HCN1: variants seen among roughly 807,000 people sequenced by gnomAD.
HCN1 encodes the protein potassium/sodium hyperpolarization-activated cyclic nucleotide-gated channel 1.
In HCN1, 13 loss-of-function variants were observed where a neutral mutation model predicts 78.9. The observed-to-expected ratio is 0.16, with a 90% confidence interval of 0.11 to 0.26. The LOEUF (loss-of-function observed/expected upper bound fraction) is 0.26, where lower values mean the gene tolerates loss of function less well. HCN1 is among the 10% of genes least tolerant of loss of function. The pLI, the probability that HCN1 is intolerant of heterozygous loss-of-function variation, is 1.00. For missense variants in HCN1, 810 were observed against 1,154.3 expected (o/e 0.70, Z 4.32); for synonymous variants, 552 against 455.5 (o/e 1.21, Z -2.70).
At chr5:45,441,762 A>G (rs960682697) in intron 3 of HCN1, among the ~76,000 whole-genome samples, 1 of 152,198 alleles carries the variant, frequency 6.6e-6, no homozygotes, top group Non-Finnish European at 1.5e-5. Flanking sequence ...TATTATGGCT[A>G]TGGATGCAGT....
intron 4 of HCN1, among the ~76,000 whole-genome samples, chr5:45,376,462 C>T (rs1238246241): frequency 6.7e-6 from 1 of 149,038 alleles, no homozygotes; most frequent in Non-Finnish European, 1.5e-5. Flanking sequence ...CATCAGACAC[C>T]AGATTGGCTA....
chr5:45,421,727 G>T (rs891515630), intron 3 of HCN1, among the ~76,000 whole-genome samples: 4 of 152,074 alleles, frequency 2.6e-5, no homozygotes, highest in Admixed American at 2.0e-4. Flanking sequence ...AAATACAATG[G>T]ACTGATGTCT....
At chr5:45,628,576 TG>T (rs1375010652) in intron 2 of HCN1, among the ~76,000 whole-genome samples, 1 of 152,222 alleles carries the variant, frequency 6.6e-6, no homozygotes, top group Non-Finnish European at 1.5e-5. Flanking sequence ...AAAATATAAA[TG>T]ATTTTAGTAT....
At chr5:45,457,705 T>C (rs1741057029) in intron 3 of HCN1, among the ~76,000 whole-genome samples, 1 of 152,152 alleles carries the variant, frequency 6.6e-6, no homozygotes. Flanking sequence ...CTTTTAAAGT[T>C]TCATGTGGTG....
chr5:45,262,240 G>A lies in HCN1; in HGVS notation c.2354C>T (p.Pro785Leu). ...HNTNLTREVR[P>L]LSASQPSLPH... ...CAGCGAGGGCTGCGAGGCGGAGAGT[G>A]GCCTGACTTCCCGGGTCAGGTTGGT... Residue 785 changes from proline to leucine, a missense_variant, in exon 8 of 8, where the codon CCA (proline) becomes CTA (leucine). Pro to Leu is a moderately conservative substitution (Grantham distance 98). Coordinates refer to ENST00000303230, the MANE Select transcript of HCN1 (RefSeq NM_021072.4). 1 of 1,614,040 alleles carries A rather than the reference G, an allele frequency of 6.2e-7. No individual in the cohort carries two copies. Among genetic ancestry groups the A allele is most frequent in the Non-Finnish European group, 8.5e-7 (1 of 1,180,034 alleles).
intron 2 of HCN1, among the ~76,000 whole-genome samples, chr5:45,568,933 CAG>C (rs2111898093): frequency 6.6e-6 from 1 of 152,202 alleles, no homozygotes; most frequent in South Asian, 2.1e-4. Flanking sequence ...AACTAAGGCT[CAG>C]AAACCGAAAT....
intron 4 of HCN1, among the ~76,000 whole-genome samples, chr5:45,354,311 AT>A (rs1369895802): frequency 8.6e-5 from 13 of 152,040 alleles, no homozygotes; most frequent in African/African-American, 2.2e-4. Context: ...TGAAAAAAAA[AT>A]AATTAGGTCT....
intron 2 of HCN1, among the ~76,000 whole-genome samples, chr5:45,625,961 A>C (rs1445890218): frequency 6.6e-6 from 1 of 152,212 alleles, no homozygotes; most frequent in Non-Finnish European, 1.5e-5. Context: ...TTTTGTGCTC[A>C]CAATTCACAA....
At chr5:45,456,894 CA>C (rs1234075201) in intron 3 of HCN1, among the ~76,000 whole-genome samples, 3 of 151,996 alleles carry the variant, frequency 2.0e-5, no homozygotes, top group Middle Eastern at 3.2e-3. Context: ...ATAAATGCAT[CA>C]TTTATTTGTT....
At chr5:45,382,398 T>C (rs1747828919) in intron 4 of HCN1, among the ~76,000 whole-genome samples, 1 of 152,210 alleles carries the variant, frequency 6.6e-6, no homozygotes, top group Admixed American at 6.5e-5. Context: ...AAATAGAAGG[T>C]ACTGGATTTG....
chr5:45,485,331 C>A (rs781437988), intron 2 of HCN1, among the ~76,000 whole-genome samples: 1 of 152,110 alleles, frequency 6.6e-6, no homozygotes, highest in Non-Finnish European at 1.5e-5. Context: ...GCATGTAAAC[C>A]ATGTTCCTTT....
At chr5:45,494,036 T>C (rs1461701421) in intron 2 of HCN1, among the ~76,000 whole-genome samples, 3 of 152,144 alleles carry the variant, frequency 2.0e-5, no homozygotes, top group African/African-American at 7.2e-5. Context: ...GTCTTTGCTA[T>C]TGTGAATAAT....
At chr5:45,462,815 T>G (rs1157137930) in intron 2 of HCN1, among the ~76,000 whole-genome samples, 1 of 152,038 alleles carries the variant, frequency 6.6e-6, no homozygotes, top group Non-Finnish European at 1.5e-5. Context: ...CTGTAACTAC[T>G]CATTTTTCTA....
At chr5:45,388,763 G>T (rs1382576004) in intron 4 of HCN1, among the ~76,000 whole-genome samples, 1 of 152,108 alleles carries the variant, frequency 6.6e-6, no homozygotes, top group East Asian at 1.9e-4. Context: ...GTTTATTTGT[G>T]AAATCATATA....
At chr5:45,657,827 A>G (rs535343350) in intron 1 of HCN1, among the ~76,000 whole-genome samples, 3 of 152,358 alleles carry the variant, frequency 2.0e-5, no homozygotes, top group Non-Finnish European at 4.4e-5. Flanking sequence ...AAGGTAATTT[A>G]TAGATTCAAT....
At chr5:45,658,924 G>A (rs369934281) in intron 1 of HCN1, among the ~76,000 whole-genome samples, 7,560 of 139,020 alleles carry the variant, frequency 0.054, 219 homozygotes, top group Middle Eastern at 0.11. Flanking sequence ...CAAAGCAGCC[G>A]GGAAGCTCGA....
intron 2 of HCN1, among the ~76,000 whole-genome samples, chr5:45,544,011 G>T (rs552939064): frequency 5.3e-4 from 81 of 152,102 alleles, no homozygotes; most frequent in African/African-American, 1.6e-3. Context: ...AATATGTATG[G>T]CTACATTTTC....
In HCN1 at chr5:45,620,593, A is replaced by C. The variant is rs77126802; in HGVS notation, c.849+24592T>G. Among the ~76,000 whole-genome samples, 689 of 152,016 alleles carry C rather than the reference A, an allele frequency of 4.5e-3. 6 individuals carry two copies. The highest frequency in any genetic ancestry group is 0.016 in the African/African-American group (669 of 41,518). On this transcript the variant is annotated intron_variant, in intron 2 of 7. Transcript: ENST00000303230. Reference sequence around the variant, plus strand: ...ATATATATAATGATTATTATTATCAAAGCCAGTTCTGTTATATAAATTCAT... The same window carrying C: ...ATATATATAATGATTATTATTATCACAGCCAGTTCTGTTATATAAATTCAT...
intron 3 of HCN1, among the ~76,000 whole-genome samples, chr5:45,423,601 G>A (rs1740272908): frequency 6.6e-6 from 1 of 152,058 alleles, no homozygotes; most frequent in South Asian, 2.1e-4. Context: ...TATCCAGCTC[G>A]TATTTTTTCT....
Sources: allele counts gnomAD v4.1 joint callset (sites outside exome capture counted in the v4.1 genomes callset), GRCh38; gene constraint gnomAD v4.1.1; transcripts MANE v1.5; gene names NCBI Gene and HGNC (gene_info 2026-07-23, HGNC 2026-07-21).